Variants in PRDM2 observed in about 807,000 individuals in gnomAD.
The protein encoded by PRDM2 is PR domain zinc finger protein 2.
Under a neutral mutation model 130.0 loss-of-function variants are expected in PRDM2, and 30 were observed. That is an observed-to-expected ratio of 0.23 (90% confidence interval 0.17 to 0.31). PRDM2 has a LOEUF of 0.31. Ranked by LOEUF, PRDM2 falls within the 10% of genes least tolerant of loss-of-function variation. The pLI, the probability that PRDM2 is intolerant of heterozygous loss-of-function variation, is 1.00. For missense variants in PRDM2, 2,011 were observed against 2,108.4 expected (o/e 0.95, Z 0.90); for synonymous variants, 871 against 782.4 (o/e 1.11, Z -1.89).
At chr1:13,767,302 T>G (rs1181547977) in intron 6 of PRDM2, among the ~76,000 whole-genome samples, 1 of 151,262 alleles carries the variant, frequency 6.6e-6, no homozygotes, top group African/African-American at 2.4e-5. Context: ...GCAGTTTAAG[T>G]CTTTGTTTTG....
rs1231593179 is a variant in PRDM2 at position 13,779,821 on chromosome 1, G to A, written c.2026G>A (p.Ala676Thr). The change falls in exon 8 of 10, where the codon GCA becomes ACA. Residue 676 changes from alanine (A) to threonine (T), a missense_variant. Physicochemically the swap from Ala to Thr is moderately conservative, Grantham distance 58. Transcript: ENST00000311066. The surrounding 1 kb of genome is among the most constrained non-coding windows in gnomAD (Gnocchi z 4.9). ...SLPLSISTTE[A>T]VSFHKEKSVY... ...TCCTCTTAGCATATCAACAACAGAG[G>A]CAGTGTCTTTCCACAAAGAGAAAAG... The A allele has an allele frequency of 1.2e-6, 2 of 1,614,158 alleles. No individual in the cohort carries two copies. Among genetic ancestry groups the A allele is most frequent in the Non-Finnish European group, 1.7e-6 (2 of 1,180,032 alleles).
chr1:13,765,509 AG>A (rs894968678), intron 6 of PRDM2, among the ~76,000 whole-genome samples: 12 of 151,440 alleles, frequency 7.9e-5, no homozygotes, highest in Non-Finnish European at 1.6e-4. Context: ...TCTGTCACCC[AG>A]GCTGGAGTGC....
intron 1 of PRDM2, among the ~76,000 whole-genome samples, chr1:13,712,175 G>C (rs1003591021): frequency 2.0e-5 from 3 of 152,070 alleles, no homozygotes; most frequent in African/African-American, 7.2e-5. Flanking sequence ...AGTGAGCTAT[G>C]ATTGTGCCAT....
Position 13,780,166 on chromosome 1 carries a change from G to A in PRDM2, c.2371G>A (p.Glu791Lys), listed in dbSNP as rs778739225. ...AGCATGGAGTTTGTCTGGGAGAGAT[G>A]AGAGAGAAACTGTGAGCCCTCCATG... ...SPAWSLSGRD[E>K]RETVSPPCFD... is the part of the protein sequence containing the mutation. Residue 791 changes from glutamate (E) to lysine (K), a missense_variant, in exon 8 of 10, where the codon GAG becomes AAG. By Grantham distance (56) the Glu-to-Lys change is moderately conservative. Around this residue, in one of 5 missense-constraint regions of PRDM2, gnomAD observed 1,288 missense variants for 1,237.7 expected, o/e 1.04. Coordinates refer to ENST00000311066, the MANE Select transcript of PRDM2 (RefSeq NM_001393986.1). 2 of 1,602,086 alleles carry A rather than the reference G, an allele frequency of 1.2e-6. No homozygotes were observed. Among genetic ancestry groups the A allele is most frequent in the Non-Finnish European group, 1.7e-6 (2 of 1,173,388 alleles).
At chr1:13,756,087 TAAA>T (rs576617549) in intron 6 of PRDM2, among the ~76,000 whole-genome samples, 1 of 132,982 alleles carries the variant, frequency 7.5e-6, no homozygotes. Context: ...CTGTCTCTTC[TAAA>T]AAAAAAAAAA....
chr1:13,767,028 A>G lies in PRDM2; in HGVS notation c.512-6050A>G, dbSNP rs185289445. ...AATTTTTCATGTGACGCTTTAGGCA[A>G]TTTTAATTTTGTAACTCATATCCCA... On this transcript the variant is annotated intron_variant, in intron 6 of 9. Transcript: ENST00000311066. Among the ~76,000 whole-genome samples, 398 of 152,304 alleles carry G rather than the reference A, an allele frequency of 2.6e-3. 10 individuals are homozygous for G. The highest frequency in any genetic ancestry group is 0.023 in the Admixed American group (350 of 15,292).
In PRDM2 at chr1:13,782,730, T is replaced by TG. The variant is rs763539578; in HGVS notation, c.4941dup (p.Pro1648AlafsTer13). The stretch of plus-strand genomic sequence containing the variant: ...TCAATATAAAATCTAGAGAGCGGAG[T>TG]GGGGGGCCAGTCACCCGGAGCCTTC... On this transcript the variant is annotated frameshift_variant, in exon 8 of 10. Coordinates refer to ENST00000311066, the MANE Select transcript of PRDM2 (RefSeq NM_001393986.1). LOFTEE classifies it high-confidence loss of function. 6.2e-7 allele frequency: 1 copy of TG among 1,612,836 alleles called. No homozygotes were observed. Among genetic ancestry groups the TG allele is most frequent in the Non-Finnish European group, 8.5e-7 (1 of 1,179,764 alleles).
At chr1:13,786,615 A>G (rs1644746883) in intron 8 of PRDM2, 1 of 1,587,982 alleles carries the variant, frequency 6.3e-7, no homozygotes, top group Non-Finnish European at 8.5e-7. Context: ...AGGATACGAA[A>G]TCTACCAAGC....
At chr1:13,799,555 A>G (rs138559462) in intron 8 of PRDM2, among the ~76,000 whole-genome samples, 1 of 152,332 alleles carries the variant, frequency 6.6e-6, no homozygotes, top group Non-Finnish European at 1.5e-5. Context: ...TGTGGATAAA[A>G]CATACAGTTG....
At chr1:13,776,574 C>T (rs1644480152) in intron 7 of PRDM2, among the ~76,000 whole-genome samples, 2 of 152,196 alleles carry the variant, frequency 1.3e-5, no homozygotes, top group African/African-American at 4.8e-5. Context: ...CCTGTCTCTC[C>T]ATCTCCTTCC....
intron 5 of PRDM2, among the ~76,000 whole-genome samples, chr1:13,748,769 T>C (rs911994899): frequency 6.6e-6 from 1 of 152,224 alleles, no homozygotes; most frequent in African/African-American, 2.4e-5. Context: ...GGAAGTTTGA[T>C]GTCCGGTCCG....
intron 8 of PRDM2, 178 bp downstream of exon 8, chr1:13,783,009 A>G (rs929785021): frequency 2.2e-6 from 3 of 1,386,878 alleles, no homozygotes; most frequent in South Asian, 1.3e-5. Flanking sequence ...AGATGAATAA[A>G]TAGTTCTAAT....
intron 8 of PRDM2, among the ~76,000 whole-genome samples, chr1:13,813,185 C>T (rs775704812): frequency 7.2e-5 from 11 of 152,158 alleles, no homozygotes; most frequent in Non-Finnish European, 1.5e-4. Context: ...ACTGGTCTTC[C>T]CGATTTGCAG....
chr1:13,751,978 C>T (rs964247619), intron 6 of PRDM2, among the ~76,000 whole-genome samples: 1 of 151,322 alleles, frequency 6.6e-6, no homozygotes, highest in South Asian at 2.1e-4. Flanking sequence ...CCCCTCCCCT[C>T]CCCATATTCA....
intron 8 of PRDM2, among the ~76,000 whole-genome samples, chr1:13,801,919 G>A (rs1375651780): frequency 6.6e-6 from 1 of 152,158 alleles, no homozygotes; most frequent in African/African-American, 2.4e-5. Flanking sequence ...TAAATGGAGT[G>A]CAGGATCCTG....
At chr1:13,747,911 A>G (rs1484362824) in intron 5 of PRDM2, among the ~76,000 whole-genome samples, 2 of 152,212 alleles carry the variant, frequency 1.3e-5, no homozygotes, top group African/African-American at 2.4e-5. Context: ...GGTTCTGTCA[A>G]TTGTTCCAAT....
At chr1:13,796,655 GGT>G (rs1188118705) in intron 8 of PRDM2, among the ~76,000 whole-genome samples, 1 of 152,190 alleles carries the variant, frequency 6.6e-6, no homozygotes, top group African/African-American at 2.4e-5. Flanking sequence ...AGGAGGCTGA[GGT>G]GGGAGGATTG....
intron 5 of PRDM2, among the ~76,000 whole-genome samples, chr1:13,747,729 C>T (rs1643654730): frequency 7.5e-6 from 1 of 133,912 alleles, no homozygotes. Context: ...AAGTGAGGAA[C>T]TATTTTGTTT....
intron 8 of PRDM2, chr1:13,788,104 C>T (rs1644777745): frequency 1.0e-6 from 1 of 963,126 alleles, no homozygotes. Context: ...GCATTTTGTA[C>T]ATAATTGGGA....
Sources: allele counts gnomAD v4.1 joint callset (sites outside exome capture counted in the v4.1 genomes callset), GRCh38; gene constraint gnomAD v4.1.1; regional missense constraint gnomAD v4.1.1; non-coding constraint Gnocchi (gnomAD v3.1); transcripts MANE v1.5; gene names NCBI Gene and HGNC (gene_info 2026-07-23, HGNC 2026-07-21).